SPAG6: variants seen among roughly 807,000 people sequenced by gnomAD.
The protein encoded by SPAG6 is sperm associated antigen 6.
A neutral mutation model predicts 58.5 loss-of-function variants in SPAG6; 49 were observed. The observed-to-expected ratio is 0.84, with a 90% CI of 0.67 to 1.06. The LOEUF is 1.06. Ranked by LOEUF, SPAG6 falls within the 50% of genes least tolerant of loss-of-function variation. The pLI, the probability that SPAG6 is intolerant of heterozygous loss-of-function variation, is 0.00. For missense variants in SPAG6, 560 were observed against 611.3 expected, an observed-to-expected ratio of 0.92 and a Z score of 0.89; for synonymous variants, 233 against 225.6, an observed-to-expected ratio of 1.03 and a Z score of -0.29.
chr10:22,415,043 G>C (rs1834835747), intron 10 of SPAG6, among the ~76,000 whole-genome samples: 1 of 152,136 alleles, frequency 6.6e-6, no homozygotes, highest in Non-Finnish European at 1.5e-5. Flanking sequence ...TGGGATTACA[G>C]GTGTGGGCCA....
chr10:22,401,822 A>G (rs554005961), intron 9 of SPAG6, among the ~76,000 whole-genome samples: 52 of 152,354 alleles, frequency 3.4e-4, no homozygotes, highest in African/African-American at 1.2e-3. Context: ...AAGCTGCTAT[A>G]AGTGGGCACA....
intron 3 of SPAG6, among the ~76,000 whole-genome samples, chr10:22,366,881 G>C (rs1837216154): frequency 6.6e-6 from 1 of 152,154 alleles, no homozygotes. Flanking sequence ...GCAGAAAAGT[G>C]AGGAGGCAGT....
intron 4 of SPAG6, among the ~76,000 whole-genome samples, chr10:22,372,160 T>G (rs1833713510): frequency 6.6e-6 from 1 of 152,198 alleles, no homozygotes; most frequent in South Asian, 2.1e-4. Context: ...ACACAACTTT[T>G]TTTTAGTCTG....
intron 10 of SPAG6, chr10:22,412,547 T>C (rs1363279633): frequency 8.6e-7 from 1 of 1,157,318 alleles, no homozygotes; most frequent in African/African-American, 1.5e-5. Flanking sequence ...TATTAATATA[T>C]ATGATACATC....
At chr10:22,364,718 C>T in intron 2 of SPAG6, 135 bp from the exon 3 acceptor site, 2 of 587,304 alleles carry the variant, frequency 3.4e-6, no homozygotes, top group South Asian at 2.7e-5. Flanking sequence ...TCTAAATTTC[C>T]ATTAGTTTAT....
rs202150701 is a variant in SPAG6, at chr10:22,391,876, T to G, written c.1153T>G (p.Ser385Ala). 3.1e-6 allele frequency: 5 copies of G among 1,613,476 alleles called. No homozygotes were observed. The highest frequency in any genetic ancestry group is 4.2e-6 in the Non-Finnish European group (5 of 1,179,672). The change falls in exon 8 of 11, where the codon TCT becomes GCT. Residue 385 changes from serine (S) to alanine (A), a missense_variant. Coordinates refer to ENST00000376624, the MANE Select transcript of SPAG6 (RefSeq NM_012443.4). ...CACAAATACTTTGCCAGTTCTGCTT[T>G]CTTTGTACATGTCAACAGAAAGTTC... ...AVTNTLPVLLSLYMSTESSED... is the reference protein window; with the variant it reads ...AVTNTLPVLLALYMSTESSED...
chr10:22,390,439 G>T (rs1427793410), intron 7 of SPAG6, among the ~76,000 whole-genome samples: 2 of 152,154 alleles, frequency 1.3e-5, no homozygotes, highest in South Asian at 2.1e-4. Context: ...TTGTTTTTCA[G>T]ATAGAGATCA....
chr10:22,368,209 A>T (rs1837251386), intron 3 of SPAG6, among the ~76,000 whole-genome samples: 2 of 152,206 alleles, frequency 1.3e-5, no homozygotes, highest in African/African-American at 2.4e-5. Flanking sequence ...GAATTTGTGG[A>T]AAGTATGTTT....
At chr10:22,410,137 T>TTCTTGGTAAGG (rs1834692834) in intron 9 of SPAG6, among the ~76,000 whole-genome samples, 1 of 152,190 alleles carries the variant, frequency 6.6e-6, no homozygotes, top group African/African-American at 2.4e-5. Flanking sequence ...TTCTCTTGGA[T>TTCTTGGTAAGG]TTATTGATTC....
At chr10:22,364,142 A>C (rs1485741004) in intron 2 of SPAG6, among the ~76,000 whole-genome samples, 1 of 151,338 alleles carries the variant, frequency 6.6e-6, no homozygotes, top group Non-Finnish European at 1.5e-5. Flanking sequence ...ACCTTACTTT[A>C]CCATTCATTA....
At chr10:22,360,857 T>A (rs1422894685) in intron 2 of SPAG6, 1 of 1,521,630 alleles carries the variant, frequency 6.6e-7, no homozygotes, top group Non-Finnish European at 8.8e-7. Context: ...GGATACCTAA[T>A]GGACAGGCAG....
chr10:22,405,020 C>T (rs1834515198), intron 9 of SPAG6, among the ~76,000 whole-genome samples: 1 of 152,182 alleles, frequency 6.6e-6, no homozygotes. Flanking sequence ...TGCTTATCAG[C>T]TTAAAGAGAT....
At position 22,345,839 on chromosome 10, in the gene SPAG6, C is replaced by A. The variant is rs377387056; in HGVS notation, c.121+21C>A. The A allele has an allele frequency of 6.2e-7, 1 of 1,603,950 alleles. No individual in the cohort carries two copies. On this transcript the variant is annotated intron_variant, in intron 2 of 10. Transcript: ENST00000376624. The surrounding 1 kb of genome is among the most constrained non-coding windows in gnomAD (Gnocchi z 6.3). ...CGCGGGTGAGCCCGGAGCCCGAACC[C>A]CCGTCGCCCCCCGCGCACTGAGTCC... is the stretch of plus-strand genomic sequence containing the variant.
rs541070399 is a variant in SPAG6 at position 22,404,892 on chromosome 10, C to G, written c.1314+3615C>G. ...GTTGGATTCCTAGGTATTTTATTCT[C>G]TTTGAAGCAATTGTGAATGGGAGTT... On this transcript the variant is annotated intron_variant, in intron 9 of 10. Coordinates refer to ENST00000376624, the MANE Select transcript of SPAG6 (RefSeq NM_012443.4). Among the ~76,000 whole-genome samples, 187 of 152,260 alleles carry G rather than the reference C, an allele frequency of 1.2e-3. 2 individuals are homozygous for G. The highest frequency in any genetic ancestry group is 4.1e-3 in the African/African-American group (170 of 41,538).
rs747764922 is a variant in SPAG6 at position 22,387,927 on chromosome 10, G to A, written c.783G>A (p.Lys261=). The A allele has an allele frequency of 1.2e-6, 2 of 1,613,104 alleles. No homozygotes were observed. Among genetic ancestry groups the A allele is most frequent in the South Asian group, 2.2e-5 (2 of 90,962 alleles). The part of the protein sequence containing the change: ...EIFPVVLTCL[K]DKDEYVKKNA... ...TTCCAGTTGTACTTACCTGTCTGAA[G>A]GACAAGGATGAATACGTGAAGAAAA... The change falls in exon 6 of 11, where the codon AAG becomes AAA. Residue 261 remains lysine, a synonymous_variant. Coordinates refer to ENST00000376624, the MANE Select transcript of SPAG6 (RefSeq NM_012443.4).
intron 8 of SPAG6, among the ~76,000 whole-genome samples, chr10:22,396,344 T>G (rs909385016): frequency 3.3e-5 from 5 of 152,176 alleles, no homozygotes; most frequent in Non-Finnish European, 7.3e-5. Context: ...ATCAGGGGTT[T>G]CCACTTTTGC....
At chr10:22,413,283 C>T (rs1458012097) in intron 10 of SPAG6, among the ~76,000 whole-genome samples, 1 of 151,886 alleles carries the variant, frequency 6.6e-6, no homozygotes, top group African/African-American at 2.4e-5. Context: ...CCTGTAATCT[C>T]AGCACTTTGG....
At chr10:22,353,785 A>G (rs1052375983) in intron 2 of SPAG6, among the ~76,000 whole-genome samples, 1 of 152,244 alleles carries the variant, frequency 6.6e-6, no homozygotes, top group African/African-American at 2.4e-5. Flanking sequence ...ACCTTACTCA[A>G]GATTTGGGAA....
At chr10:22,413,226 A>T (rs1834786326) in intron 10 of SPAG6, among the ~76,000 whole-genome samples, 1 of 151,752 alleles carries the variant, frequency 6.6e-6, no homozygotes, top group Non-Finnish European at 1.5e-5. Flanking sequence ...TACAAACTGC[A>T]TCACATTAGA....
Sources: allele counts gnomAD v4.1 joint callset (sites outside exome capture counted in the v4.1 genomes callset), GRCh38; gene constraint gnomAD v4.1.1; non-coding constraint Gnocchi (gnomAD v3.1); transcripts MANE v1.5; gene names NCBI Gene and HGNC (gene_info 2026-07-23, HGNC 2026-07-21).